Variants in HECTD2 observed in about 807,000 individuals in gnomAD.
HECTD2 encodes the protein HECT domain E3 ubiquitin protein ligase 2.
HECTD2 carries 35 observed loss-of-function variants against 103.2 expected under a neutral mutation model. That is an observed-to-expected ratio of 0.34 (90% CI 0.26 to 0.45). The LOEUF is 0.45. HECTD2 is among the 20% of genes least tolerant of loss of function. The pLI is 1.00. For missense variants in HECTD2, 596 were observed against 937.4 expected, an observed-to-expected ratio of 0.64 and a Z score of 4.76; for synonymous variants, 281 against 329.9, an observed-to-expected ratio of 0.85 and a Z score of 1.61.
chr10:91,419,298 AT>A (rs1426331557), intron 1 of HECTD2, among the ~76,000 whole-genome samples: 2 of 152,208 alleles, frequency 1.3e-5, no homozygotes, highest in Admixed American at 6.5e-5. Context: ...GAAATTGGAA[AT>A]TTAAGATTCA....
intron 2 of HECTD2, among the ~76,000 whole-genome samples, chr10:91,441,902 T>C (rs1400259332): frequency 1.7e-4 from 23 of 131,430 alleles, no homozygotes; most frequent in African/African-American, 8.7e-4. Context: ...TTTTTTTTTT[T>C]TTTTTCTTTT....
At chr10:91,462,420 A>G (rs1704491170) in intron 5 of HECTD2, 1 of 1,235,502 alleles carries the variant, frequency 8.1e-7, no homozygotes, top group Non-Finnish European at 1.0e-6. Flanking sequence ...ACTTGCTAAA[A>G]TCATGCTTTA....
intron 1 of HECTD2, among the ~76,000 whole-genome samples, chr10:91,410,885 G>A (rs1393470897): frequency 6.6e-6 from 1 of 152,246 alleles, no homozygotes; most frequent in Non-Finnish European, 1.5e-5. Flanking sequence ...TGCATCTTGA[G>A]TCGGCATGAT....
chr10:91,462,021 T>C (rs919640283), intron 4 of HECTD2, 74 bp from the exon 5 acceptor site: 2 of 1,099,826 alleles, frequency 1.8e-6, no homozygotes, highest in African/African-American at 3.2e-5. Context: ...TATGAAGGAA[T>C]AGTATGGTTC....
chr10:91,426,706 G>A (rs998411598), intron 2 of HECTD2, among the ~76,000 whole-genome samples: 1 of 151,212 alleles, frequency 6.6e-6, no homozygotes, highest in African/African-American at 2.4e-5. Context: ...AAGTCAGTTC[G>A]CCAACTCGTA....
chr10:91,423,309 A>G (rs1216039609), intron 1 of HECTD2, among the ~76,000 whole-genome samples: 1 of 152,160 alleles, frequency 6.6e-6, no homozygotes, highest in African/African-American at 2.4e-5. Flanking sequence ...TTCCCCATCT[A>G]TAAAATGGGG....
chr10:91,417,217 C>T (rs2132984393), intron 1 of HECTD2, among the ~76,000 whole-genome samples: 1 of 151,956 alleles, frequency 6.6e-6, no homozygotes, highest in East Asian at 1.9e-4. Context: ...TACTGGTGAG[C>T]TATATGAATA....
intron 1 of HECTD2, among the ~76,000 whole-genome samples, chr10:91,423,049 C>T (rs984953817): frequency 2.6e-5 from 4 of 152,034 alleles, no homozygotes; most frequent in East Asian, 1.9e-4. Flanking sequence ...GCTCCTAAAG[C>T]GATTAAATTT....
intron 20 of HECTD2, among the ~76,000 whole-genome samples, chr10:91,508,594 G>T (rs1042840326): frequency 6.7e-6 from 1 of 149,948 alleles, no homozygotes; most frequent in African/African-American, 2.5e-5. Context: ...ACACCAGTTA[G>T]AATGGCGATC....
chr10:91,453,534 A>G (rs1844927802), intron 2 of HECTD2, among the ~76,000 whole-genome samples: 3 of 152,188 alleles, frequency 2.0e-5, no homozygotes, highest in Non-Finnish European at 4.4e-5. Context: ...GTGATAAATT[A>G]GTATATGTAA....
intron 2 of HECTD2, among the ~76,000 whole-genome samples, chr10:91,444,308 A>T (rs915008592): frequency 3.7e-4 from 56 of 152,204 alleles, no homozygotes; most frequent in African/African-American, 1.4e-3. Flanking sequence ...GTGAAATTTG[A>T]ATTAGTAAAA....
chr10:91,456,300 A>G (rs989343158), intron 2 of HECTD2, among the ~76,000 whole-genome samples: 2 of 152,104 alleles, frequency 1.3e-5, no homozygotes, highest in Admixed American at 6.6e-5. Flanking sequence ...CATCCCTTGT[A>G]AGTTGGATTC....
intron 2 of HECTD2, among the ~76,000 whole-genome samples, chr10:91,449,665 T>A (rs1294371681): frequency 6.6e-6 from 1 of 152,198 alleles, no homozygotes; most frequent in Non-Finnish European, 1.5e-5. Flanking sequence ...AGAAATCTCC[T>A]TAAGCTGATA....
chr10:91,427,718 G>A (rs955621878), intron 2 of HECTD2, among the ~76,000 whole-genome samples: 2 of 152,108 alleles, frequency 1.3e-5, no homozygotes, highest in East Asian at 1.9e-4. Context: ...TTGTAAATTT[G>A]TTTGAGTTCA....
chr10:91,437,456 C>G (rs1031167553), intron 2 of HECTD2, among the ~76,000 whole-genome samples: 21 of 152,124 alleles, frequency 1.4e-4, no homozygotes, highest in African/African-American at 5.1e-4. Flanking sequence ...ACTCATGCAG[C>G]TTCACTTCTG....
intron 5 of HECTD2, among the ~76,000 whole-genome samples, chr10:91,472,013 TAAAAA>T (rs1202021389): frequency 6.6e-6 from 1 of 152,032 alleles, no homozygotes; most frequent in Non-Finnish European, 1.5e-5. Context: ...AGGCAATCCT[TAAAAA>T]AGATAACAAA....
intron 6 of HECTD2, among the ~76,000 whole-genome samples, chr10:91,479,805 T>C (rs978518828): frequency 1.3e-5 from 2 of 152,212 alleles, no homozygotes; most frequent in South Asian, 4.1e-4. Context: ...TGAGACTTCA[T>C]TGGTATCTTC....
chr10:91,482,514 T>C (rs1846130159), intron 7 of HECTD2, among the ~76,000 whole-genome samples: 2 of 152,020 alleles, frequency 1.3e-5, no homozygotes, highest in Admixed American at 1.3e-4. Context: ...TTCGTTTTTC[T>C]AGCTTTTAAT....
chr10:91,491,833 G>T (rs532544898), intron 12 of HECTD2, among the ~76,000 whole-genome samples: 346 of 152,162 alleles, frequency 2.3e-3, no homozygotes, highest in Non-Finnish European at 4.2e-3. Flanking sequence ...TCCGCTATGT[G>T]ATTTATTTAT....
Sources: gnomAD v4.1 joint callset for allele counts (sites outside exome capture counted in the v4.1 genomes callset) on GRCh38, gnomAD v4.1.1 for gene constraint, MANE v1.5 for transcripts, NCBI Gene and HGNC (gene_info 2026-07-23, HGNC 2026-07-21) for gene names.